PARP8: variants seen among roughly 807,000 people sequenced by gnomAD.
The protein encoded by PARP8 is poly(ADP-ribose) polymerase family member 8, also known as protein mono-ADP-ribosyltransferase PARP8.
PARP8 carries 51 observed loss-of-function variants against 124.1 expected under a neutral mutation model. That is an observed-to-expected ratio of 0.41 (90% confidence interval 0.33 to 0.52). PARP8 has a LOEUF of 0.52. PARP8 is among the 20% of genes least tolerant of loss of function. The pLI is 0.21. For missense variants in PARP8, 860 were observed against 1,018.9 expected (o/e 0.84, Z 2.12); for synonymous variants, 391 against 361.5 (o/e 1.08, Z -0.93).
intron 9 of PARP8, among the ~76,000 whole-genome samples, chr5:50,781,057 C>T (rs1189813200): frequency 6.6e-6 from 1 of 152,046 alleles, no homozygotes; most frequent in African/African-American, 2.4e-5. Context: ...CTGCTAATCC[C>T]AATATGCTGG....
intron 2 of PARP8, among the ~76,000 whole-genome samples, chr5:50,694,342 C>CTT (rs1414498328): frequency 6.6e-5 from 10 of 152,108 alleles, no homozygotes; most frequent in Non-Finnish European, 7.4e-5. Flanking sequence ...GTTGAATTTC[C>CTT]TTATAGTTTT....
At chr5:50,712,516 A>G (rs1754871694) in intron 2 of PARP8, among the ~76,000 whole-genome samples, 3 of 152,154 alleles carry the variant, frequency 2.0e-5, no homozygotes, top group Non-Finnish European at 4.4e-5. Flanking sequence ...AAAAGTTGCA[A>G]AGATTCTTGG....
chr5:50,808,948 A>C (rs1386986980), intron 14 of PARP8, among the ~76,000 whole-genome samples: 1 of 152,050 alleles, frequency 6.6e-6, no homozygotes, highest in African/African-American at 2.4e-5. Flanking sequence ...TCAACATGGA[A>C]GTTCAGATAT....
intron 3 of PARP8, among the ~76,000 whole-genome samples, chr5:50,755,500 G>A (rs1759830235): frequency 6.6e-6 from 1 of 152,176 alleles, no homozygotes. Context: ...TAGATGTGTG[G>A]TATTATTTCT....
At chr5:50,822,441 T>C (rs749950967) in intron 17 of PARP8, 41 bp downstream of exon 17, 14 of 1,452,818 alleles carry the variant, frequency 9.6e-6, no homozygotes, top group Non-Finnish European at 1.3e-5. Context: ...ATTTTTAAAA[T>C]GTCTGAGAGT....
At chr5:50,668,221 T>A in intron 2 of PARP8, 96 bp downstream of exon 2, 1 of 1,162,300 alleles carries the variant, frequency 8.6e-7, no homozygotes, top group Non-Finnish European at 1.3e-6. Flanking sequence ...TGGTTGCTTG[T>A]TTGTTTGATT....
chr5:50,789,281 A>T (rs1006303952), intron 10 of PARP8, among the ~76,000 whole-genome samples: 6 of 152,196 alleles, frequency 3.9e-5, no homozygotes, highest in South Asian at 2.1e-4. Context: ...TAGAGCCAGG[A>T]TACAATGGCA....
intron 7 of PARP8, among the ~76,000 whole-genome samples, chr5:50,767,566 C>A (rs78717725): frequency 6.6e-6 from 1 of 152,336 alleles, no homozygotes; most frequent in East Asian, 1.9e-4. Context: ...AAGCTGACTG[C>A]AGAGTTGTAG....
intron 2 of PARP8, among the ~76,000 whole-genome samples, chr5:50,730,471 G>T (rs1188216881): frequency 6.6e-6 from 1 of 152,096 alleles, no homozygotes; most frequent in Non-Finnish European, 1.5e-5. Context: ...GATCTCAAGA[G>T]AACTCACTCA....
At chr5:50,775,455 T>C (rs1442550126) in intron 7 of PARP8, among the ~76,000 whole-genome samples, 1 of 151,854 alleles carries the variant, frequency 6.6e-6, no homozygotes, top group Non-Finnish European at 1.5e-5. Context: ...CTCGGCAGGC[T>C]GAGGCAGGAG....
intron 10 of PARP8, among the ~76,000 whole-genome samples, chr5:50,789,377 AAAT>A (rs1741687235): frequency 6.6e-6 from 1 of 152,146 alleles, no homozygotes. Context: ...AATTTTTCTA[AAAT>A]CAGAAGATCA....
At chr5:50,772,901 G>A (rs1387258759) in intron 7 of PARP8, among the ~76,000 whole-genome samples, 2 of 151,900 alleles carry the variant, frequency 1.3e-5, no homozygotes, top group African/African-American at 4.8e-5. Flanking sequence ...GTTTCGCCAT[G>A]TTGGCTGGGC....
At chr5:50,707,984 T>G (rs939019969) in intron 2 of PARP8, among the ~76,000 whole-genome samples, 4 of 152,126 alleles carry the variant, frequency 2.6e-5, no homozygotes, top group African/African-American at 9.7e-5. Flanking sequence ...GCATCACTAA[T>G]CAGCATATTA....
At chr5:50,758,205 C>T (rs1237129794) in intron 3 of PARP8, among the ~76,000 whole-genome samples, 2 of 152,160 alleles carry the variant, frequency 1.3e-5, no homozygotes, top group Non-Finnish European at 2.9e-5. Context: ...AAACCTGTTT[C>T]TTAATCTGTG....
chr5:50,748,193 T>TTGTGTG (rs56898029), intron 2 of PARP8, among the ~76,000 whole-genome samples: 6 of 150,196 alleles, frequency 4.0e-5, no homozygotes, highest in Admixed American at 3.3e-4. Flanking sequence ...TTTAAGCAGT[T>TTGTGTG]TGTGTGTGTG....
chr5:50,706,746 G>A (rs1220260659), intron 2 of PARP8, among the ~76,000 whole-genome samples: 2 of 152,006 alleles, frequency 1.3e-5, no homozygotes, highest in African/African-American at 4.8e-5. Flanking sequence ...CAGAGCTTGG[G>A]ACAGTATCCA....
chr5:50,741,638 C>G (rs370643375), intron 2 of PARP8, among the ~76,000 whole-genome samples: 3 of 152,104 alleles, frequency 2.0e-5, no homozygotes, highest in African/African-American at 7.2e-5. Flanking sequence ...TGTTACTTCA[C>G]GTGCTGAAAG....
At chr5:50,667,612 C>G (rs1275528409) in intron 1 of PARP8, 2 of 699,136 alleles carry the variant, frequency 2.9e-6, no homozygotes, top group Admixed American at 4.0e-5. Context: ...GTAAGCTGCG[C>G]CCGGCGCCGA....
intron 12 of PARP8, among the ~76,000 whole-genome samples, chr5:50,796,090 C>A (rs1039321833): frequency 3.3e-5 from 5 of 152,028 alleles, no homozygotes; most frequent in Non-Finnish European, 5.9e-5. Flanking sequence ...GGCATGATAG[C>A]CAAGTTCATG....
Sources: allele counts gnomAD v4.1 joint callset (sites outside exome capture counted in the v4.1 genomes callset), GRCh38; gene constraint gnomAD v4.1.1; transcripts MANE v1.5; gene names NCBI Gene and HGNC (gene_info 2026-07-23, HGNC 2026-07-21).